Variants in ANAPC2 observed in about 807,000 individuals in gnomAD.
ANAPC2 encodes the protein anaphase promoting complex subunit 2, also known as anaphase-promoting complex subunit 2.
In ANAPC2, 29 loss-of-function variants were observed where a neutral mutation model predicts 84.3. That is an observed-to-expected ratio of 0.34 (90% confidence interval 0.26 to 0.47). The LOEUF (loss-of-function observed/expected upper bound fraction) is 0.47. ANAPC2 is among the 20% of genes least tolerant of loss of function. ANAPC2 has a pLI of 1.00. For missense variants in ANAPC2, 857 were observed against 1,131.7 expected (o/e 0.76, Z 3.48); for synonymous variants, 571 against 479.4 (o/e 1.19, Z -2.50).
At chr9:137,175,605 G>C in intron 11 of ANAPC2, 103 bp downstream of exon 11, 1 of 1,502,140 alleles carries the variant, frequency 6.7e-7, no homozygotes, top group South Asian at 1.3e-5. Context: ...GGTGCCGCCT[G>C]CTGGCGCAGC....
chr9:137,184,107 G>A (rs537502966), intron 4 of ANAPC2, among the ~76,000 whole-genome samples: 2 of 152,338 alleles, frequency 1.3e-5, no homozygotes, highest in South Asian at 2.1e-4. Context: ...CACGGGGGAC[G>A]CCGCAGTGGG....
chr9:137,186,314 C>T lies in ANAPC2; in HGVS notation c.783G>A (p.Val261=). 2 of 1,611,378 alleles carry T rather than the reference C, an allele frequency of 1.2e-6. No individual in the cohort carries two copies. Among genetic ancestry groups the T allele is most frequent in the East Asian group, 2.2e-5 (1 of 44,842 alleles). The change falls in exon 3 of 13, where the codon GTG becomes GTA. Residue 261 remains valine, a synonymous_variant. Transcript: ENST00000323927. ...GGGTCACCTGGTGCAGGGTGGTGGT[C>T]ACAGCCTCGGCACTGACCCGCTCCA... ...SLLERVSAEA[V]TTTLHQVTRE... is the part of the protein sequence containing the mutation.
At chr9:137,181,651 G>C (rs1200521852) in intron 7 of ANAPC2, 30 bp downstream of exon 7, 1 of 1,559,504 alleles carries the variant, frequency 6.4e-7, no homozygotes, top group Non-Finnish European at 8.7e-7. Flanking sequence ...CCCCCACACT[G>C]GTGAAAGGGA....
Position 137,186,360 on chromosome 9 carries a change from G to A in ANAPC2, c.741-4C>T. Reference sequence around the variant, plus strand: ...CTCCAGCAGACTGAGCCTGTGTCTAGAGGAGAGCCCTGGCCATGGGGCACC... The same window carrying A: ...CTCCAGCAGACTGAGCCTGTGTCTAAAGGAGAGCCCTGGCCATGGGGCACC... On this transcript the variant is annotated splice_polypyrimidine_tract_variant and splice_region_variant and intron_variant, in intron 2 of 12. Coordinates refer to ENST00000323927, the MANE Select transcript of ANAPC2 (RefSeq NM_013366.4). 3 of 1,598,484 alleles carry A rather than the reference G, an allele frequency of 1.9e-6. No individual in the cohort carries two copies. The highest frequency in any genetic ancestry group is 2.6e-6 in the Non-Finnish European group (3 of 1,174,130).
chr9:137,187,309 G>C (rs149371790), intron 2 of ANAPC2, 172 bp downstream of exon 2: 4 of 814,286 alleles, frequency 4.9e-6, no homozygotes, highest in Admixed American at 5.9e-5. Context: ...AGTGACAGAA[G>C]AGAGACACCT....
chr9:137,183,742 C>A lies in ANAPC2; in HGVS notation c.1098G>T (p.Glu366Asp), dbSNP rs1268131842. Reference protein sequence around the residue: ...PAIEDLKYCLERTDQRQQLLV... With the variant: ...PAIEDLKYCLDRTDQRQQLLV... ...GCAGCTGCTGCCTCTGGTCCGTCCTCTCCAGGCAGTACTTGAGGTCCTCGA... is the reference window on the plus strand; with the variant it reads ...GCAGCTGCTGCCTCTGGTCCGTCCTATCCAGGCAGTACTTGAGGTCCTCGA... The change falls in exon 5 of 13, where the codon GAG becomes GAT. Residue 366 changes from glutamate to aspartate, a missense_variant. Transcript: ENST00000323927. 1 of 1,613,330 alleles carries A rather than the reference C, an allele frequency of 6.2e-7. No individual in the cohort carries two copies. Among genetic ancestry groups the A allele is most frequent in the African/African-American group, 1.3e-5 (1 of 75,036 alleles).
intron 3 of ANAPC2, among the ~76,000 whole-genome samples, chr9:137,185,682 C>T (rs541163592): frequency 6.6e-6 from 1 of 152,338 alleles, no homozygotes; most frequent in South Asian, 2.1e-4. Context: ...GGACAGGTGA[C>T]ACATGGGAAC....
At position 137,181,886 on chromosome 9, in the gene ANAPC2, G is replaced by A. The variant is rs760428991; in HGVS notation, c.1287-24C>T. The A allele has an allele frequency of 5.0e-6, 8 of 1,590,068 alleles. No individual in the cohort carries two copies. In the African/African-American group the frequency reaches 9.4e-5, roughly 19 times the overall value. Reference sequence around the variant, plus strand: ...TCCTGCCGATGTGAGTGCTGCTGTGGCCCACAGTGTGGACACCCCGCGCGC... The same window carrying A: ...TCCTGCCGATGTGAGTGCTGCTGTGACCCACAGTGTGGACACCCCGCGCGC... On this transcript the variant is annotated intron_variant, in intron 6 of 12. Coordinates refer to ENST00000323927, the MANE Select transcript of ANAPC2 (RefSeq NM_013366.4).
At chr9:137,186,644 G>A (rs951760564) in intron 2 of ANAPC2, 26 of 454,954 alleles carry the variant, frequency 5.7e-5, no homozygotes, top group African/African-American at 4.3e-4. Flanking sequence ...GGCAGCAGGT[G>A]TGGCTGTCGG....
At position 137,180,711 on chromosome 9, in the gene ANAPC2, G is replaced by A. The variant is rs578138904; in HGVS notation, c.1610+77C>T. 8.1e-4 allele frequency: 1,274 copies of A among 1,579,854 alleles called. 1 individual carries two copies. Among genetic ancestry groups the A allele is most frequent in the Non-Finnish European group, 9.9e-4 (1,156 of 1,164,456 alleles). ...GCTCCAACCAGGCCCCAGGCACGGC[G>A]TCAGGGCCCTGTCCCGAGAGAGGCT... On this transcript the variant is annotated intron_variant, in intron 8 of 12. Coordinates refer to ENST00000323927, the MANE Select transcript of ANAPC2 (RefSeq NM_013366.4).
rs555627718 is a variant in ANAPC2 at position 137,185,169 on chromosome 9, C to T, written c.874-82G>A. 1.2e-5 allele frequency: 17 copies of T among 1,388,386 alleles called. 1 individual carries two copies. The African/African-American group carries it at 2.5e-4, about 21-fold the overall frequency. 86.0% of individuals were successfully genotyped at this position (1,388,386 alleles called of 1,614,324 possible). On this transcript the variant is annotated intron_variant, in intron 3 of 12. Transcript: ENST00000323927. ...TCAGAGGCTGGGAGGAGCCTCACGG[C>T]CACCCACCCTGTCGGCCGGGACCGA...
intron 1 of ANAPC2, 37 bp downstream of exon 1, chr9:137,188,379 C>T (rs1245361203): frequency 6.3e-7 from 1 of 1,586,000 alleles, no homozygotes; most frequent in Non-Finnish European, 8.5e-7. Flanking sequence ...GTCCCGGAAA[C>T]TCCGCGCGGG....
intron 2 of ANAPC2, 105 bp downstream of exon 2, chr9:137,187,376 G>C (rs775927625): frequency 7.7e-6 from 11 of 1,425,582 alleles, no homozygotes; most frequent in East Asian, 7.0e-5. Context: ...CATGTTCCTG[G>C]TTATCAGGAC....
chr9:137,183,494 C>A, intron 5 of ANAPC2, 178 bp downstream of exon 5: 1 of 1,020,468 alleles, frequency 9.8e-7, no homozygotes, highest in Non-Finnish European at 1.4e-6. Context: ...AAAGAAGAAA[C>A]AAGCAAGCTG....
chr9:137,183,714 C>T lies in ANAPC2; in HGVS notation c.1126G>A (p.Val376Met), dbSNP rs779727775. The T allele has an allele frequency of 1.7e-5, 28 of 1,612,662 alleles. No individual in the cohort carries two copies. Among genetic ancestry groups the T allele is most frequent in the South Asian group, 3.3e-5 (3 of 91,072 alleles). ...GTCTCCAGGGCAGCCTTGAGGGACA[C>T]GAGCAGCTGCTGCCTCTGGTCCGTC... ...ERTDQRQQLL[V>M]SLKAALETRL... Residue 376 changes from valine (V) to methionine (M), a missense_variant, in exon 5 of 13, where the codon GTG becomes ATG. Physicochemically the swap from Val to Met is conservative, Grantham distance 21 (BLOSUM62 1). Transcript: ENST00000323927.
chr9:137,178,237 G>A (rs1013953026), intron 10 of ANAPC2, among the ~76,000 whole-genome samples: 3 of 152,216 alleles, frequency 2.0e-5, no homozygotes, highest in Admixed American at 6.5e-5. Flanking sequence ...TCAGCCTGCC[G>A]CAGGACACAT....
Position 137,181,057 on chromosome 9 carries a change from G to C in ANAPC2, c.1469-128C>G, listed in dbSNP as rs535003646. On this transcript the variant is annotated intron_variant, in intron 7 of 12. Coordinates refer to ENST00000323927, the MANE Select transcript of ANAPC2 (RefSeq NM_013366.4). ...TCTTCCTGAAGGCCCTCGAGGCTGG[G>C]AGCAGCCCTGAGCCTCCCGGGAGAC... The C allele has an allele frequency of 4.2e-6, 5 of 1,198,390 alleles. No homozygotes were observed. The African/African-American group carries it at 7.6e-5, about 18-fold the overall frequency. 74.2% of individuals were successfully genotyped at this position (1,198,390 alleles called of 1,614,324 possible). A position where few individuals can be genotyped will look rare whatever the true frequency, so the allele number is the denominator to read the frequency against.
At chr9:137,180,056 G>C in intron 10 of ANAPC2, 125 bp downstream of exon 10, 5 of 1,098,192 alleles carry the variant, frequency 4.6e-6, no homozygotes, top group Non-Finnish European at 6.4e-6. Flanking sequence ...AGGCGGCTGC[G>C]AGACAGGACC....
At chr9:137,179,166 T>G (rs1167974587) in intron 10 of ANAPC2, among the ~76,000 whole-genome samples, 1 of 152,098 alleles carries the variant, frequency 6.6e-6, no homozygotes, top group Non-Finnish European at 1.5e-5. Context: ...TACCTGGGGT[T>G]GGGGTCTGCA....
Sources: gnomAD v4.1 joint callset for allele counts (sites outside exome capture counted in the v4.1 genomes callset) on GRCh38, gnomAD v4.1.1 for gene constraint, MANE v1.5 for transcripts, NCBI Gene and HGNC (gene_info 2026-07-23, HGNC 2026-07-21) for gene names.